The following ADAM2 variants were observed in gnomAD, a reference collection of about 807,000 sequenced individuals.
ADAM2 encodes the protein ADAM metallopeptidase domain 2, also known as disintegrin and metalloproteinase domain-containing protein 2.
ADAM2 carries 101 observed loss-of-function variants against 99.3 expected under a neutral mutation model. The observed-to-expected ratio is 1.02, with a 90% CI of 0.87 to 1.20. ADAM2 has a LOEUF of 1.20. Ranked by LOEUF, ADAM2 falls within the 50% of genes most tolerant of loss-of-function variation. ADAM2 has a pLI of 0.00. For synonymous variants in ADAM2, 323 were observed against 287.6 expected, an observed-to-expected ratio of 1.12 and a Z score of -1.25; for missense variants, 948 against 878.7, an observed-to-expected ratio of 1.08 and a Z score of -1.00.
intron 11 of ADAM2, among the ~76,000 whole-genome samples, chr8:39,775,567 T>C (rs1413040066): frequency 6.6e-6 from 1 of 152,148 alleles, no homozygotes; most frequent in African/African-American, 2.4e-5. Context: ...CTAAATCTAA[T>C]AGGACTCTAT....
intron 10 of ADAM2, among the ~76,000 whole-genome samples, chr8:39,783,902 G>A (rs886325341): frequency 2.0e-5 from 3 of 151,598 alleles, no homozygotes; most frequent in Admixed American, 1.3e-4. Flanking sequence ...TCAAGATCGC[G>A]CCACCCCATT....
intron 4 of ADAM2, among the ~76,000 whole-genome samples, chr8:39,824,100 A>G (rs1462062061): frequency 6.6e-6 from 1 of 152,100 alleles, no homozygotes; most frequent in East Asian, 1.9e-4. Context: ...CCTGACCAAC[A>G]TGGAGAAACC....
intron 3 of ADAM2, among the ~76,000 whole-genome samples, chr8:39,827,493 A>G (rs1296990089): frequency 6.6e-6 from 1 of 152,172 alleles, no homozygotes; most frequent in Admixed American, 6.5e-5. Flanking sequence ...GTTTCCATCA[A>G]TGGACAAATG....
At chr8:39,827,541 T>A (rs1170983953) in intron 3 of ADAM2, among the ~76,000 whole-genome samples, 1 of 152,186 alleles carries the variant, frequency 6.6e-6, no homozygotes, top group African/African-American at 2.4e-5. Context: ...AATGGAATAC[T>A]AGGCAGTCAT....
chr8:39,777,098 T>A lies in ADAM2; in HGVS notation c.955A>T (p.Met319Leu). ...TTAATGTCATCATAAGTGATCCCCA[T>A]ACTAAGGCTCAATAATTGAGCTAAA... ...VILAQLLSLS[M>L]GITYDDINKC... The change falls in exon 11 of 21, where the codon ATG (methionine) becomes TTG (leucine). Residue 319 changes from methionine to leucine, a missense_variant. Met to Leu is a conservative substitution (Grantham distance 15, BLOSUM62 2). Coordinates refer to ENST00000265708, the MANE Select transcript of ADAM2 (RefSeq NM_001464.5). 2 of 1,606,676 alleles carry A rather than the reference T, an allele frequency of 1.2e-6. No individual in the cohort carries two copies. Among genetic ancestry groups the A allele is most frequent in the Non-Finnish European group, 1.7e-6 (2 of 1,173,730 alleles).
intron 7 of ADAM2, among the ~76,000 whole-genome samples, chr8:39,803,212 G>T (rs778537910): frequency 9.9e-5 from 15 of 152,134 alleles, no homozygotes; most frequent in Non-Finnish European, 2.2e-4. Context: ...AAACCGCTCG[G>T]TATCACTGAG....
chr8:39,812,692 T>C (rs1804756453), intron 6 of ADAM2, among the ~76,000 whole-genome samples: 2 of 152,174 alleles, frequency 1.3e-5, no homozygotes, highest in South Asian at 2.1e-4. Flanking sequence ...ATTTAATAAA[T>C]GGTGCTGGGA....
intron 14 of ADAM2, among the ~76,000 whole-genome samples, chr8:39,762,117 A>G (rs1802395263): frequency 6.6e-6 from 1 of 152,200 alleles, no homozygotes; most frequent in Non-Finnish European, 1.5e-5. Context: ...CAACCTACTT[A>G]AAAAGCAGTT....
At chr8:39,808,189 T>TACACACACACAC (rs144114156) in intron 7 of ADAM2, among the ~76,000 whole-genome samples, 27 of 146,100 alleles carry the variant, frequency 1.8e-4, no homozygotes, top group Middle Eastern at 3.5e-3. Context: ...TCCTAAGGAA[T>TACACACACACAC]ACACACACAC....
At chr8:39,794,601 C>T (rs1182020745) in intron 7 of ADAM2, among the ~76,000 whole-genome samples, 3 of 152,086 alleles carry the variant, frequency 2.0e-5, no homozygotes, top group African/African-American at 7.2e-5. Context: ...GTTATGTTAT[C>T]TATAGATTCC....
At chr8:39,791,091 G>C (rs1803692956) in intron 7 of ADAM2, among the ~76,000 whole-genome samples, 1 of 151,542 alleles carries the variant, frequency 6.6e-6, no homozygotes, top group Admixed American at 6.6e-5. Context: ...GCCTCGAATG[G>C]GGTGACTTAT....
Position 39,796,411 on chromosome 8 carries a change from T to A in ADAM2, c.571-7671A>T, listed in dbSNP as rs528932141. Among the ~76,000 whole-genome samples, 9 of 152,346 alleles carry A rather than the reference T, an allele frequency of 5.9e-5. No homozygotes were observed. In the South Asian group the frequency reaches 1.7e-3, roughly 28 times the overall value. On this transcript the variant is annotated intron_variant, in intron 7 of 20. Coordinates refer to ENST00000265708, the MANE Select transcript of ADAM2 (RefSeq NM_001464.5). ...GTAGCATAGTATTCCATGGTGTATA[T>A]GTACCACGTTTTCTTTATCCAGTCT...
At chr8:39,773,323 C>G (rs905515118) in intron 11 of ADAM2, among the ~76,000 whole-genome samples, 1 of 151,492 alleles carries the variant, frequency 6.6e-6, no homozygotes. Flanking sequence ...AAATGCACAG[C>G]TTTAAAGGGT....
chr8:39,786,986 T>G lies in ADAM2; in HGVS notation c.879A>C (p.Gly293=), dbSNP rs757436846. The change falls in exon 10 of 21, where the codon GGA becomes GGC. Residue 293 remains glycine (G), a synonymous_variant. Transcript: ENST00000265708. ...QGKMCDANYA[G]GVVLHPRTIS... is the part of the protein sequence containing the mutation. The stretch of plus-strand genomic sequence containing the variant: ...AACCATACCATACCAGAACAACACC[T>G]CCTGCATAGTTTGCATCACACATCT... The G allele has an allele frequency of 1.3e-6, 2 of 1,591,498 alleles. No individual in the cohort carries two copies. Among genetic ancestry groups the G allele is most frequent in the Non-Finnish European group, 1.7e-6 (2 of 1,168,938 alleles).
chr8:39,769,338 A>T, intron 12 of ADAM2, 54 bp downstream of exon 12: 1 of 1,393,166 alleles, frequency 7.2e-7, no homozygotes, highest in African/African-American at 1.4e-5. Context: ...CACTCGAATT[A>T]ATAAGTAATT....
chr8:39,755,856 T>C lies in ADAM2; in HGVS notation c.1669A>G (p.Ile557Val). 6.3e-7 allele frequency: 1 copy of C among 1,598,588 alleles called. No individual in the cohort carries two copies. The highest frequency in any genetic ancestry group is 8.6e-7 in the Non-Finnish European group (1 of 1,167,122). Residue 557 changes from isoleucine (I) to valine (V), a missense_variant, in exon 16 of 21, where the codon ATT becomes GTT. Transcript: ENST00000265708. ...GCATAAATAATAGTGGCTCTTGGAA[T>C]TTGTAATAAAAATTTACCTACATAT... Reference protein sequence around the residue: ...CKYVGKFLLQIPRATIIYANI... With the variant: ...CKYVGKFLLQVPRATIIYANI...
At chr8:39,763,949 A>G (rs1246826277) in intron 14 of ADAM2, among the ~76,000 whole-genome samples, 1 of 152,360 alleles carries the variant, frequency 6.6e-6, no homozygotes, top group East Asian at 1.9e-4. Flanking sequence ...AGAATAGCTC[A>G]AACCTATTGT....
chr8:39,811,159 C>T (rs955318339), intron 6 of ADAM2, among the ~76,000 whole-genome samples: 2 of 152,164 alleles, frequency 1.3e-5, no homozygotes, highest in African/African-American at 4.8e-5. Flanking sequence ...ACTATAAACA[C>T]CTCTATGAAA....
At chr8:39,808,189 TACACACACACAC>T (rs144114156) in intron 7 of ADAM2, among the ~76,000 whole-genome samples, 2 of 146,004 alleles carry the variant, frequency 1.4e-5, no homozygotes, top group Non-Finnish European at 3.0e-5. Flanking sequence ...TCCTAAGGAA[TACACACACACAC>T]ACACACACAC....
Sources: gnomAD v4.1 joint callset for allele counts (sites outside exome capture counted in the v4.1 genomes callset) on GRCh38, gnomAD v4.1.1 for gene constraint, MANE v1.5 for transcripts, NCBI Gene and HGNC (gene_info 2026-07-23, HGNC 2026-07-21) for gene names.